ZC2HC1A: variants seen among roughly 807,000 people sequenced by gnomAD.
The protein encoded by ZC2HC1A is zinc finger C2HC domain-containing protein 1A.
ZC2HC1A carries 28 observed loss-of-function variants against 40.7 expected under a neutral mutation model. The observed-to-expected ratio is 0.69, with a 90% confidence interval of 0.51 to 0.94. The LOEUF (loss-of-function observed/expected upper bound fraction) is 0.94, where lower values mean the gene tolerates loss of function less well. ZC2HC1A is among the 40% of genes least tolerant of loss of function. The pLI is 0.00. For missense variants in ZC2HC1A, 389 were observed against 386.3 expected, an observed-to-expected ratio of 1.01 and a Z score of -0.06; for synonymous variants, 129 against 129.2, an observed-to-expected ratio of 1.00 and a Z score of 0.01.
intron 7 of ZC2HC1A, among the ~76,000 whole-genome samples, chr8:78,702,401 A>G (rs76881145): frequency 0.023 from 3,467 of 151,948 alleles, 45 homozygotes; most frequent in Non-Finnish European, 0.034. Context: ...TATTTTATCA[A>G]TTTTTTAAAA....
intron 1 of ZC2HC1A, among the ~76,000 whole-genome samples, chr8:78,673,449 T>G (rs1361657671): frequency 6.6e-6 from 1 of 152,202 alleles, no homozygotes; most frequent in Admixed American, 6.5e-5. Flanking sequence ...GATTGCTGGG[T>G]CAAATGGTAT....
At chr8:78,681,236 C>A (rs894368503) in intron 3 of ZC2HC1A, among the ~76,000 whole-genome samples, 1 of 151,810 alleles carries the variant, frequency 6.6e-6, no homozygotes, top group Non-Finnish European at 1.5e-5. Context: ...AAACTTCTTG[C>A]AAATAGCTGT....
In ZC2HC1A at chr8:78,689,310, T is replaced by C. The variant is rs1810129688; in HGVS notation, c.441T>C (p.Arg147=). 1 of 1,603,508 alleles carries C rather than the reference T, an allele frequency of 6.2e-7. No homozygotes were observed. The highest frequency in any genetic ancestry group is 8.5e-7 in the Non-Finnish European group (1 of 1,175,040). ...HINFCKEQAA[R]ISNKGKFSTD... ...ATTTCTGTAAAGAACAGGCAGCACG[T>C]ATTAGTAATAAAGGGAAATTTTCTA... is the stretch of plus-strand genomic sequence containing the variant. The change falls in exon 5 of 9, where the codon CGT becomes CGC. Residue 147 remains arginine, a synonymous_variant. Coordinates refer to ENST00000263849, the MANE Select transcript of ZC2HC1A (RefSeq NM_016010.3).
rs910513029 is a variant in ZC2HC1A at position 78,716,283 on chromosome 8, T to C, written c.812+955T>C. Among the ~76,000 whole-genome samples the C allele has an allele frequency of 4.0e-5, 6 of 151,258 alleles. No homozygotes were observed. In the East Asian group the frequency reaches 6.0e-4, roughly 15 times the overall value. ...GACTACAGGCGCCCGCCACCACGCC[T>C]GGCTAATTTTTTTGTATTTTTATTA... On this transcript the variant is annotated intron_variant, in intron 8 of 8. Transcript: ENST00000263849.
intron 1 of ZC2HC1A, 115 bp downstream of exon 1, chr8:78,666,279 C>G (rs926693618): frequency 6.7e-6 from 10 of 1,484,956 alleles, no homozygotes; most frequent in Non-Finnish European, 9.1e-6. Flanking sequence ...GACCTCGCCG[C>G]GTCCCGCCGC....
At chr8:78,670,761 T>C (rs1200195670) in intron 1 of ZC2HC1A, among the ~76,000 whole-genome samples, 2 of 152,152 alleles carry the variant, frequency 1.3e-5, no homozygotes, top group East Asian at 1.9e-4. Flanking sequence ...CCAGAGTTGG[T>C]TGTTTTGGCA....
chr8:78,669,971 C>CTTTTT (rs566684768), intron 1 of ZC2HC1A, among the ~76,000 whole-genome samples: 1,281 of 126,220 alleles, frequency 0.01, 24 homozygotes, highest in Non-Finnish European at 0.012. Flanking sequence ...TTCTTTCTTT[C>CTTTTT]TTTTTTTTTT....
intron 3 of ZC2HC1A, among the ~76,000 whole-genome samples, chr8:78,686,216 G>A (rs1009986698): frequency 6.6e-5 from 10 of 152,216 alleles, no homozygotes; most frequent in Admixed American, 4.6e-4. Flanking sequence ...AGGATAAATA[G>A]ATGTAACACC....
At chr8:78,703,227 T>C (rs947410231) in intron 7 of ZC2HC1A, among the ~76,000 whole-genome samples, 1 of 152,124 alleles carries the variant, frequency 6.6e-6, no homozygotes, top group African/African-American at 2.4e-5. Flanking sequence ...ATGTGCCAGA[T>C]GGTGATGAGA....
intron 7 of ZC2HC1A, among the ~76,000 whole-genome samples, chr8:78,713,045 C>T (rs143664677): frequency 6.6e-6 from 1 of 152,076 alleles, no homozygotes; most frequent in Non-Finnish European, 1.5e-5. Flanking sequence ...TTTGCTGATT[C>T]TACTGTCAGA....
intron 5 of ZC2HC1A, among the ~76,000 whole-genome samples, chr8:78,695,432 C>A (rs1480797708): frequency 1.3e-5 from 2 of 152,156 alleles, no homozygotes; most frequent in Non-Finnish European, 1.5e-5. Context: ...AAAGACTTGA[C>A]CTCTCAATAT....
chr8:78,690,824 C>T (rs1810188311), intron 5 of ZC2HC1A, among the ~76,000 whole-genome samples: 1 of 151,954 alleles, frequency 6.6e-6, no homozygotes, highest in Non-Finnish European at 1.5e-5. Flanking sequence ...TTAGATTTTC[C>T]AAGTATATCA....
chr8:78,666,359 C>T (rs1809297382), intron 1 of ZC2HC1A, among the ~76,000 whole-genome samples, 195 bp downstream of exon 1: 1 of 152,212 alleles, frequency 6.6e-6, no homozygotes, highest in Non-Finnish European at 1.5e-5. Flanking sequence ...TACCAGGCTG[C>T]CCCGCCTCAG....
Position 78,666,153 on chromosome 8 carries a change from A to G in ZC2HC1A, c.5A>G (p.Glu2Gly). The G allele has an allele frequency of 6.4e-7, 1 of 1,573,444 alleles. No individual in the cohort carries two copies. The highest frequency in any genetic ancestry group is 8.6e-7 in the Non-Finnish European group (1 of 1,159,612). Residue 2 changes from glutamate to glycine, a missense_variant, in exon 1 of 9, where the codon GAG becomes GGG. Physicochemically the swap from Glu to Gly is moderately conservative, Grantham distance 98. Transcript: ENST00000263849. ...TGAGCTCGAGGAGGTGGCGCGATGG[A>G]GGGACTGGAAGGTGAGGCGATGAAG... is the stretch of plus-strand genomic sequence containing the variant. The part of the protein sequence containing the change: M[E>G]GLEENGGVVQ...
At chr8:78,673,223 T>C (rs1281361626) in intron 1 of ZC2HC1A, among the ~76,000 whole-genome samples, 1 of 152,206 alleles carries the variant, frequency 6.6e-6, no homozygotes, top group African/African-American at 2.4e-5. Context: ...GCTTCATCCA[T>C]GTCCCTGCAA....
At position 78,717,285 on chromosome 8, in the gene ZC2HC1A, C is replaced by G. The variant is rs772136937; in HGVS notation, c.813-43C>G. The G allele has an allele frequency of 2.6e-6, 4 of 1,563,582 alleles. No individual in the cohort carries two copies. The South Asian group carries it at 4.9e-5, about 19-fold the overall frequency. ...CTCCAGGGTTATGGGTTGAAAACTA[C>G]TGATACAAACTTTATCTTTTCATTG... On this transcript the variant is annotated intron_variant, in intron 8 of 8. Coordinates refer to ENST00000263849, the MANE Select transcript of ZC2HC1A (RefSeq NM_016010.3).
At chr8:78,704,514 C>T (rs1250190566) in intron 7 of ZC2HC1A, among the ~76,000 whole-genome samples, 3 of 151,926 alleles carry the variant, frequency 2.0e-5, no homozygotes, top group Non-Finnish European at 4.4e-5. Flanking sequence ...GCCTTTCTCT[C>T]TAGCTGCCTT....
intron 3 of ZC2HC1A, 38 bp downstream of exon 3, chr8:78,678,717 G>A: frequency 1.4e-6 from 2 of 1,400,724 alleles, no homozygotes; most frequent in South Asian, 1.4e-5. Context: ...GAACTTTGGT[G>A]TTATGTATGT....
intron 5 of ZC2HC1A, among the ~76,000 whole-genome samples, chr8:78,690,981 A>G (rs1408812106): frequency 1.3e-5 from 2 of 151,918 alleles, no homozygotes. Flanking sequence ...CTTCTTGTAG[A>G]TTTCTTAGGA....
Sources: allele counts gnomAD v4.1 joint callset (sites outside exome capture counted in the v4.1 genomes callset), GRCh38; gene constraint gnomAD v4.1.1; transcripts MANE v1.5; gene names NCBI Gene and HGNC (gene_info 2026-07-23, HGNC 2026-07-21).